Variants in GRID2 observed in about 807,000 individuals in gnomAD.
GRID2 encodes glutamate ionotropic receptor delta type subunit 2.
In GRID2, 33 loss-of-function variants were observed where a neutral mutation model predicts 114.8. That is an observed-to-expected ratio of 0.29 (90% CI 0.22 to 0.38). GRID2 has a LOEUF of 0.38. Ranked by LOEUF, GRID2 falls within the 10% of genes least tolerant of loss-of-function variation. The pLI, the probability that GRID2 is intolerant of heterozygous loss-of-function variation, is 1.00. For synonymous variants in GRID2, 505 were observed against 449.9 expected, an observed-to-expected ratio of 1.12 and a Z score of -1.55; for missense variants, 1,184 against 1,257.7, an observed-to-expected ratio of 0.94 and a Z score of 0.89.
intron 14 of GRID2, among the ~76,000 whole-genome samples, chr4:93,746,325 A>T (rs1731838648): frequency 6.6e-6 from 1 of 152,156 alleles, no homozygotes; most frequent in Non-Finnish European, 1.5e-5. Context: ...CTTAATGAGT[A>T]GTTCTACTGT....
chr4:92,908,300 A>G (rs1338104068), intron 2 of GRID2, among the ~76,000 whole-genome samples: 1 of 152,216 alleles, frequency 6.6e-6, no homozygotes, highest in Non-Finnish European at 1.5e-5. Context: ...TATTTTAACA[A>G]TAAATTATTC....
chr4:92,877,465 C>T (rs759892992), intron 2 of GRID2, among the ~76,000 whole-genome samples: 1 of 152,128 alleles, frequency 6.6e-6, no homozygotes, highest in Non-Finnish European at 1.5e-5. Context: ...GAAGGAGGTA[C>T]ACTAGTTGAG....
At chr4:93,256,351 G>A (rs1031007718) in intron 8 of GRID2, among the ~76,000 whole-genome samples, 1 of 151,764 alleles carries the variant, frequency 6.6e-6, no homozygotes, top group Admixed American at 6.6e-5. Context: ...TTTGGACGAA[G>A]TATTTTCAAA....
At chr4:93,520,723 G>A (rs1243162609) in intron 13 of GRID2, among the ~76,000 whole-genome samples, 2 of 152,114 alleles carry the variant, frequency 1.3e-5, no homozygotes, top group Non-Finnish European at 2.9e-5. Flanking sequence ...ATTGGTAAAT[G>A]GAAGGCAGCT....
At chr4:92,768,840 G>A (rs968624025) in intron 2 of GRID2, among the ~76,000 whole-genome samples, 4 of 152,216 alleles carry the variant, frequency 2.6e-5, no homozygotes, top group Admixed American at 2.0e-4. Flanking sequence ...CTCCCACTTC[G>A]TTCCTCCTAC....
chr4:93,590,071 G>C (rs924326710), intron 13 of GRID2, among the ~76,000 whole-genome samples: 1 of 150,560 alleles, frequency 6.6e-6, no homozygotes, highest in Non-Finnish European at 1.5e-5. Context: ...GATCCCATTT[G>C]TCAGTTTTGT....
intron 2 of GRID2, among the ~76,000 whole-genome samples, chr4:93,079,842 G>C (rs961311166): frequency 1.3e-5 from 2 of 152,062 alleles, no homozygotes; most frequent in Non-Finnish European, 2.9e-5. Context: ...ACTCAACTGA[G>C]TTCATTTGAT....
intron 2 of GRID2, among the ~76,000 whole-genome samples, chr4:93,059,503 G>T (rs982346128): frequency 4.6e-5 from 7 of 152,074 alleles, no homozygotes; most frequent in Middle Eastern, 3.2e-3. Flanking sequence ...TGCAGATATT[G>T]TCAAGTGTCA....
intron 14 of GRID2, among the ~76,000 whole-genome samples, chr4:93,728,509 G>T (rs1578677313): frequency 1.3e-5 from 2 of 152,094 alleles, no homozygotes; most frequent in African/African-American, 4.8e-5. Context: ...GGTCTGCTTG[G>T]TGCAGAGCTG....
chr4:92,736,416 A>G (rs1273236414), intron 2 of GRID2, among the ~76,000 whole-genome samples: 2 of 152,242 alleles, frequency 1.3e-5, no homozygotes, highest in South Asian at 2.1e-4. Context: ...TATCGTTTTA[A>G]GATGCTAACT....
intron 2 of GRID2, among the ~76,000 whole-genome samples, chr4:92,859,155 C>T (rs964047825): frequency 2.6e-5 from 4 of 152,158 alleles, no homozygotes; most frequent in Non-Finnish European, 4.4e-5. Flanking sequence ...ATTGCCTCAG[C>T]CCCCCAACCT....
At chr4:93,051,837 C>A (rs1259139841) in intron 2 of GRID2, among the ~76,000 whole-genome samples, 3 of 151,878 alleles carry the variant, frequency 2.0e-5, no homozygotes, top group Admixed American at 6.6e-5. Flanking sequence ...TCAGCAATTT[C>A]TTTGCCTTTT....
chr4:93,577,413 G>A lies in GRID2; in HGVS notation c.2194-48856G>A, dbSNP rs1214554980. Among the ~76,000 whole-genome samples the A allele has an allele frequency of 3.3e-5, 5 of 152,274 alleles. No individual in the cohort carries two copies. The South Asian group carries it at 1.0e-3, about 32-fold the overall frequency. On this transcript the variant is annotated intron_variant, in intron 13 of 15. Coordinates refer to ENST00000282020, the MANE Select transcript of GRID2 (RefSeq NM_001510.4). ...AAAAATATAAAAAATAAAAGGGAAA[G>A]TGTAAGTAAACAAAAGAAGAAACAA...
chr4:93,103,032 C>A (rs1731849132), intron 3 of GRID2, among the ~76,000 whole-genome samples: 1 of 151,986 alleles, frequency 6.6e-6, no homozygotes, highest in Non-Finnish European at 1.5e-5. Flanking sequence ...TCCTGTGCCA[C>A]CAAAATCCCC....
rs914467036 is a variant in GRID2, at chr4:93,397,360, AAGAC to A, written c.1347+1656_1347+1659del. ...TTACATTGATGCACTAATATTAAAA[AAGAC>A]AGATATTTAAAGTACAGCAAATTAT... On this transcript the variant is annotated intron_variant, in intron 9 of 15. Coordinates refer to ENST00000282020, the MANE Select transcript of GRID2 (RefSeq NM_001510.4). Among the ~76,000 whole-genome samples, 24 of 151,872 alleles carry A rather than the reference AAGAC, an allele frequency of 1.6e-4. 1 individual carries two copies. The highest frequency in any genetic ancestry group is 1.2e-3 in the Admixed American group (18 of 15,192).
chr4:93,714,739 G>T (rs547700064), intron 14 of GRID2, among the ~76,000 whole-genome samples: 2 of 152,252 alleles, frequency 1.3e-5, no homozygotes, highest in South Asian at 2.1e-4. Flanking sequence ...CTTTTGAAAA[G>T]TGTCTGTCAT....
chr4:93,580,599 C>T lies in GRID2; in HGVS notation c.2194-45670C>T, dbSNP rs566450033. Among the ~76,000 whole-genome samples, 8 of 152,128 alleles carry T rather than the reference C, an allele frequency of 5.3e-5. 1 individual carries two copies. The South Asian group carries it at 1.2e-3, about 24-fold the overall frequency. On this transcript the variant is annotated intron_variant, in intron 13 of 15. Transcript: ENST00000282020. ...GAATGTTTTAGGCAGTTTTTTGTTT[C>T]GTATGTCATGATGCCATATTCTAAA...
At chr4:92,807,459 C>G (rs1463157342) in intron 2 of GRID2, among the ~76,000 whole-genome samples, 2 of 151,820 alleles carry the variant, frequency 1.3e-5, no homozygotes, top group Non-Finnish European at 2.9e-5. Flanking sequence ...GTATCAGTGA[C>G]TCAGCAAGAA....
chr4:93,383,147 A>G (rs1764018074), intron 8 of GRID2, among the ~76,000 whole-genome samples: 1 of 152,108 alleles, frequency 6.6e-6, no homozygotes, highest in South Asian at 2.1e-4. Flanking sequence ...GGCACTGGCC[A>G]TTTAAATCCC....
Sources: allele counts gnomAD v4.1 joint callset (sites outside exome capture counted in the v4.1 genomes callset), GRCh38; gene constraint gnomAD v4.1.1; transcripts MANE v1.5; gene names NCBI Gene and HGNC (gene_info 2026-07-23, HGNC 2026-07-21).